MAGI3: variants seen among roughly 807,000 people sequenced by gnomAD.
MAGI3 encodes the protein membrane-associated guanylate kinase, WW and PDZ domain-containing protein 3.
MAGI3 carries 43 observed loss-of-function variants against 121.8 expected under a neutral mutation model. That is an observed-to-expected ratio of 0.35 (90% CI 0.28 to 0.46). The LOEUF is 0.46. Among genes scored for constraint, MAGI3 ranks in the 20% least tolerant of loss-of-function variants. The pLI, the probability that MAGI3 is intolerant of heterozygous loss-of-function variation, is 1.00. For synonymous variants in MAGI3, 553 were observed against 639.3 expected (o/e 0.86, Z 2.04); for missense variants, 1,547 against 1,797.3 (o/e 0.86, Z 2.52).
chr1:113,676,768 C>T (rs1257351767), intron 19 of MAGI3, among the ~76,000 whole-genome samples: 1 of 152,078 alleles, frequency 6.6e-6, no homozygotes, highest in African/African-American at 2.4e-5. Context: ...CCCCCGCTTG[C>T]CTCTCCTCTT....
intron 1 of MAGI3, among the ~76,000 whole-genome samples, chr1:113,477,096 C>G (rs184451015): frequency 2.0e-5 from 3 of 152,032 alleles, no homozygotes; most frequent in Admixed American, 1.3e-4. Flanking sequence ...TTCCTCCATC[C>G]CTTTATTTTG....
intron 2 of MAGI3, among the ~76,000 whole-genome samples, chr1:113,553,700 TA>T (rs1204423753): frequency 6.6e-6 from 1 of 152,016 alleles, no homozygotes; most frequent in Non-Finnish European, 1.5e-5. Context: ...AGGAAAGAAG[TA>T]AATCAACACT....
intron 3 of MAGI3, among the ~76,000 whole-genome samples, chr1:113,584,410 A>G (rs1181909316): frequency 6.6e-6 from 1 of 152,170 alleles, no homozygotes; most frequent in Non-Finnish European, 1.5e-5. Context: ...ACAGATTCTC[A>G]AGAGAAAGTT....
chr1:113,628,659 T>G (rs1008659987), intron 9 of MAGI3, among the ~76,000 whole-genome samples: 1 of 152,212 alleles, frequency 6.6e-6, no homozygotes, highest in Non-Finnish European at 1.5e-5. Context: ...TTCTCCTTCA[T>G]GCTTACAGGA....
chr1:113,614,694 A>C, intron 7 of MAGI3, 36 bp downstream of exon 7: 1 of 1,482,028 alleles, frequency 6.7e-7, no homozygotes, highest in Non-Finnish European at 9.3e-7. Flanking sequence ...TCTCCCAAAT[A>C]TTTTCCTTTC....
At position 113,644,527 on chromosome 1, in the gene MAGI3, C is replaced by T. The variant is rs1025175884; in HGVS notation, c.1998+753C>T. The stretch of plus-strand genomic sequence containing the variant: ...CAATCTCTTGACCTCATGATCTGCC[C>T]GCCTCGGCCTCCCAAAGTGCTGGGA... On this transcript the variant is annotated intron_variant, in intron 11 of 20. Transcript: ENST00000307546. 2.3e-4 allele frequency among the ~76,000 whole-genome samples: 35 copies of T among 152,186 alleles called. 1 individual carries two copies. The highest frequency in any genetic ancestry group is 7.5e-4 in the African/African-American group (31 of 41,526).
intron 9 of MAGI3, among the ~76,000 whole-genome samples, chr1:113,635,484 C>T (rs1408234335): frequency 2.0e-5 from 3 of 152,088 alleles, no homozygotes; most frequent in Non-Finnish European, 4.4e-5. Flanking sequence ...TTGAGATAAC[C>T]ATGTGGTTTT....
At chr1:113,573,772 G>A (rs1647451265) in intron 2 of MAGI3, among the ~76,000 whole-genome samples, 1 of 152,122 alleles carries the variant, frequency 6.6e-6, no homozygotes, top group Non-Finnish European at 1.5e-5. Flanking sequence ...TTGTTGATTT[G>A]CCTAATATTG....
chr1:113,676,589 A>C (rs903248019), intron 19 of MAGI3, among the ~76,000 whole-genome samples: 2 of 152,170 alleles, frequency 1.3e-5, no homozygotes, highest in African/African-American at 4.8e-5. Flanking sequence ...TGGGCTATTA[A>C]ATTATCAAAA....
chr1:113,411,550 G>A (rs1032136014), intron 1 of MAGI3, among the ~76,000 whole-genome samples: 1 of 151,744 alleles, frequency 6.6e-6, no homozygotes, highest in African/African-American at 2.4e-5. Context: ...TCTAACTATC[G>A]AGTATCTAGA....
rs140819818 is a variant in MAGI3, at chr1:113,550,688, G to A, written c.433+1057G>A. Among the ~76,000 whole-genome samples, 281 of 150,754 alleles carry A rather than the reference G, an allele frequency of 1.9e-3. 1 individual carries two copies. Among genetic ancestry groups the A allele is most frequent in the African/African-American group, 6.1e-3 (251 of 41,104 alleles). The stretch of plus-strand genomic sequence containing the variant: ...GGAGAATCGCTTGAACCTAGGAGGC[G>A]GAGATTGCAGTGAGCCGAGATCATG... On this transcript the variant is annotated intron_variant, in intron 2 of 20. Coordinates refer to ENST00000307546, the MANE Select transcript of MAGI3 (RefSeq NM_001142782.2).
At chr1:113,435,238 G>A (rs1026939928) in intron 1 of MAGI3, among the ~76,000 whole-genome samples, 13 of 152,058 alleles carry the variant, frequency 8.5e-5, no homozygotes, top group Admixed American at 2.6e-4. Context: ...CTTAATAAGC[G>A]TTCGTTTGTA....
chr1:113,555,674 G>C (rs1451000196), intron 2 of MAGI3, among the ~76,000 whole-genome samples: 6 of 152,092 alleles, frequency 3.9e-5, no homozygotes, highest in African/African-American at 1.4e-4. Context: ...GATGGTGGGA[G>C]GATTGCTTGA....
intron 1 of MAGI3, among the ~76,000 whole-genome samples, chr1:113,514,131 G>C (rs866777328): frequency 1.3e-5 from 2 of 152,172 alleles, no homozygotes; most frequent in Non-Finnish European, 2.9e-5. Context: ...AACAACAGGT[G>C]CTGGAGAGGA....
chr1:113,663,423 T>C (rs1011931882), intron 16 of MAGI3, among the ~76,000 whole-genome samples: 1 of 152,066 alleles, frequency 6.6e-6, no homozygotes, highest in Non-Finnish European at 1.5e-5. Context: ...TCTCTGTGGA[T>C]TTGCTGGGTA....
intron 2 of MAGI3, among the ~76,000 whole-genome samples, chr1:113,566,367 G>C (rs200472197): frequency 6.6e-6 from 1 of 151,934 alleles, no homozygotes; most frequent in South Asian, 2.1e-4. Context: ...AATTAATTTT[G>C]GTATATTCAT....
In MAGI3 at chr1:113,401,437, C is replaced by T. The variant is rs1019864810; in HGVS notation, c.316+10088C>T. Among the ~76,000 whole-genome samples, 7 of 151,922 alleles carry T rather than the reference C, an allele frequency of 4.6e-5. No homozygotes were observed. The East Asian group carries it at 1.4e-3, about 29-fold the overall frequency. On this transcript the variant is annotated intron_variant, in intron 1 of 20. Coordinates refer to ENST00000307546, the MANE Select transcript of MAGI3 (RefSeq NM_001142782.2). ...AGCTGCATGATAAAGTAGTTATTTC[C>T]AAGAATTGCTAATCAAGCAGAAAGT...
intron 2 of MAGI3, among the ~76,000 whole-genome samples, chr1:113,580,213 T>C (rs1177967682): frequency 2.0e-5 from 3 of 152,154 alleles, no homozygotes; most frequent in Non-Finnish European, 4.4e-5. Context: ...AAAAATAAAG[T>C]TCATTAAAAT....
intron 1 of MAGI3, among the ~76,000 whole-genome samples, chr1:113,441,063 C>A (rs1413316343): frequency 6.6e-6 from 1 of 152,126 alleles, no homozygotes; most frequent in Non-Finnish European, 1.5e-5. Context: ...AAAGAAACCC[C>A]TTAACATTGC....
Sources: gnomAD v4.1 joint callset for allele counts (sites outside exome capture counted in the v4.1 genomes callset) on GRCh38, gnomAD v4.1.1 for gene constraint, MANE v1.5 for transcripts, NCBI Gene and HGNC (gene_info 2026-07-23, HGNC 2026-07-21) for gene names.